The following RBFOX1 variants were observed in gnomAD, a reference collection of about 807,000 sequenced individuals.
The protein encoded by RBFOX1 is RNA binding fox-1 homolog 1.
A neutral mutation model predicts 57.7 loss-of-function variants in RBFOX1; 8 were observed. The ratio of observed to expected loss-of-function variants is 0.14; its 90% CI spans 0.08 to 0.25. RBFOX1 has a LOEUF of 0.25. RBFOX1 is among the 10% of genes least tolerant of loss of function. The pLI, the probability that RBFOX1 is intolerant of heterozygous loss-of-function variation, is 1.00. For synonymous variants in RBFOX1, 326 were observed against 222.4 expected, an observed-to-expected ratio of 1.47 and a Z score of -4.15; for missense variants, 611 against 548.5, an observed-to-expected ratio of 1.11 and a Z score of -1.14.
At chr16:5,331,691 C>G (rs1448054344) in intron 1 of RBFOX1, among the ~76,000 whole-genome samples, 1 of 152,254 alleles carries the variant, frequency 6.6e-6, no homozygotes, top group Admixed American at 6.5e-5. Flanking sequence ...GTCACATGGC[C>G]AGAGGGTATG....
intron 5 of RBFOX1, among the ~76,000 whole-genome samples, chr16:7,535,279 C>T (rs556209014): frequency 2.1e-4 from 32 of 152,268 alleles, no homozygotes; most frequent in Non-Finnish European, 4.1e-4. Context: ...GCTGGGCTTA[C>T]GGGCCCTTTC....
chr16:6,562,916 T>C (rs1464765541), intron 2 of RBFOX1, among the ~76,000 whole-genome samples: 1 of 144,756 alleles, frequency 6.9e-6, no homozygotes, highest in Non-Finnish European at 1.5e-5. Context: ...TGTTACTGTT[T>C]CCTTGGGCAG....
At chr16:6,874,948 A>G (rs1028852998) in intron 3 of RBFOX1, among the ~76,000 whole-genome samples, 4 of 152,236 alleles carry the variant, frequency 2.6e-5, no homozygotes, top group African/African-American at 7.2e-5. Context: ...AGATAAAATT[A>G]GAAACCAAGA....
intron 2 of RBFOX1, among the ~76,000 whole-genome samples, chr16:6,472,788 GT>G (rs112817907): frequency 6.6e-6 from 1 of 151,332 alleles, no homozygotes; most frequent in Non-Finnish European, 1.5e-5. Flanking sequence ...ATGCCCAGCT[GT>G]TTTTTTTGTG....
intron 3 of RBFOX1, among the ~76,000 whole-genome samples, chr16:6,731,204 G>A (rs2068496484): frequency 6.6e-6 from 1 of 152,154 alleles, no homozygotes; most frequent in South Asian, 2.1e-4. Context: ...ATACATATCA[G>A]ATCCTAGAGG....
intron 3 of RBFOX1, among the ~76,000 whole-genome samples, chr16:6,910,909 G>C (rs1039540907): frequency 3.3e-5 from 5 of 152,108 alleles, no homozygotes; most frequent in Non-Finnish European, 7.4e-5. Context: ...TGTTAGTAAA[G>C]AGGAAGGAGG....
intron 4 of RBFOX1, among the ~76,000 whole-genome samples, chr16:7,488,277 T>C (rs1381908357): frequency 2.0e-5 from 3 of 152,232 alleles, no homozygotes; most frequent in African/African-American, 7.2e-5. Context: ...AAGGGATGGC[T>C]GTGCAGTTTC....
chr16:7,710,017 C>T, intron 15 of RBFOX1: 2 of 1,007,014 alleles, frequency 2.0e-6, no homozygotes, highest in Non-Finnish European at 2.4e-6. Context: ...ACCTTGTAGC[C>T]ATTAAAACCA....
chr16:6,555,462 G>C (rs972420058), intron 2 of RBFOX1, among the ~76,000 whole-genome samples: 4 of 152,160 alleles, frequency 2.6e-5, no homozygotes, highest in African/African-American at 9.7e-5. Flanking sequence ...CACTTTGGGA[G>C]GCGGAGACAG....
chr16:6,207,638 C>T (rs1267886300), intron 1 of RBFOX1, among the ~76,000 whole-genome samples: 1 of 152,122 alleles, frequency 6.6e-6, no homozygotes, highest in Non-Finnish European at 1.5e-5. Flanking sequence ...TAATAATGCC[C>T]TTCCCATTTG....
rs193209846 is a variant in RBFOX1 at position 7,524,269 on chromosome 16, A to T, written c.270+5880A>T. Among the ~76,000 whole-genome samples, 8 of 152,292 alleles carry T rather than the reference A, an allele frequency of 5.3e-5. No individual in the cohort carries two copies. In the East Asian group the frequency reaches 1.5e-3, roughly 29 times the overall value. On this transcript the variant is annotated intron_variant, in intron 5 of 15. Coordinates refer to ENST00000550418, the MANE Select transcript of RBFOX1 (RefSeq NM_018723.4). The stretch of plus-strand genomic sequence containing the variant: ...GCAGAATCTGTAAAAGGGAAGGAGG[A>T]TGCACCCAGAGCTCCCAACCAGAGC...
intron 2 of RBFOX1, among the ~76,000 whole-genome samples, chr16:6,603,212 G>A (rs1264311872): frequency 6.6e-6 from 1 of 152,144 alleles, no homozygotes; most frequent in Non-Finnish European, 1.5e-5. Flanking sequence ...CAGCTTACTT[G>A]TCTCAGGGCC....
At chr16:5,826,504 A>C (rs1023555177) in intron 3 of RBFOX1, among the ~76,000 whole-genome samples, 1 of 152,158 alleles carries the variant, frequency 6.6e-6, no homozygotes, top group Non-Finnish European at 1.5e-5. Flanking sequence ...CAATGACTCA[A>C]CTCTACCATT....
intron 1 of RBFOX1, among the ~76,000 whole-genome samples, chr16:6,046,613 T>C (rs1210536184): frequency 1.5e-5 from 2 of 134,196 alleles, no homozygotes; most frequent in East Asian, 2.0e-4. Context: ...CAAGGGAATA[T>C]TGGGGTTTGA....
chr16:6,573,801 C>G lies in RBFOX1; in HGVS notation c.-63-80802C>G, dbSNP rs148050708. On this transcript the variant is annotated intron_variant, in intron 2 of 15. Transcript: ENST00000550418. ...CGCTGGCTGCCGTTCACAGCAGGCT[C>G]TCTCTGAGCACCGTGGGGAGGCAGT... The G allele has an allele frequency of 4.0e-3, 612 of 152,324 alleles. 6 individuals carry two copies. The highest frequency in any genetic ancestry group is 0.014 in the African/African-American group (576 of 41,560). 9.4% of individuals were successfully genotyped at this position (152,324 alleles called of 1,614,324 possible). A position where few individuals can be genotyped will look rare whatever the true frequency, so the allele number is the denominator to read the frequency against.
intron 4 of RBFOX1, among the ~76,000 whole-genome samples, chr16:7,356,350 C>T (rs747815245): frequency 6.6e-5 from 10 of 152,048 alleles, no homozygotes; most frequent in Non-Finnish European, 1.3e-4. Flanking sequence ...CACAGAGGGC[C>T]CATCACAGAG....
At chr16:5,787,870 TC>T (rs1232043060) in intron 3 of RBFOX1, among the ~76,000 whole-genome samples, 2 of 152,220 alleles carry the variant, frequency 1.3e-5, no homozygotes, top group Non-Finnish European at 2.9e-5. Context: ...ATTGCAGTGT[TC>T]CAAGTCAACT....
intron 1 of RBFOX1, among the ~76,000 whole-genome samples, chr16:6,117,664 C>T (rs1218444299): frequency 2.0e-5 from 3 of 152,258 alleles, no homozygotes; most frequent in Non-Finnish European, 4.4e-5. Flanking sequence ...CTGCTGGCAC[C>T]TAGGTCTTGA....
intron 3 of RBFOX1, among the ~76,000 whole-genome samples, chr16:6,845,446 C>T (rs995125206): frequency 2.6e-5 from 4 of 152,040 alleles, no homozygotes; most frequent in African/African-American, 9.7e-5. Context: ...AATCCTTTCC[C>T]CATTGCTTGT....
Sources: allele counts gnomAD v4.1 joint callset (sites outside exome capture counted in the v4.1 genomes callset), GRCh38; gene constraint gnomAD v4.1.1; transcripts MANE v1.5; gene names NCBI Gene and HGNC (gene_info 2026-07-23, HGNC 2026-07-21).